TMEM132C: variants seen among roughly 807,000 people sequenced by gnomAD.
The protein encoded by TMEM132C is transmembrane protein 132C.
TMEM132C carries 29 observed loss-of-function variants against 61.4 expected under a neutral mutation model. The observed-to-expected ratio is 0.47, with a 90% CI of 0.35 to 0.64. The LOEUF is 0.64. TMEM132C is among the 30% of genes least tolerant of loss of function. The pLI is 0.00. For missense variants in TMEM132C, 1,408 were observed against 1,476.9 expected (o/e 0.95, Z 0.76); for synonymous variants, 656 against 633.1 (o/e 1.04, Z -0.54).
chr12:128,614,536 G>A (rs1876735657), intron 3 of TMEM132C, among the ~76,000 whole-genome samples: 1 of 152,208 alleles, frequency 6.6e-6, no homozygotes, highest in Admixed American at 6.5e-5. Context: ...TCTGTAAAGA[G>A]CATTGGACTC....
Position 128,267,347 on chromosome 12 carries a change from G to T in TMEM132C, c.-56G>T, listed in dbSNP as rs1870339805. ...GCATGGGGCGGCCGGCGGGGGCCGC[G>T]GGCGGGCGCTGCGCTTCGGGCTGGC... On this transcript the variant is annotated 5_prime_UTR_variant, in exon 1 of 9. Transcript: ENST00000435159. 31 of 979,058 alleles carry T rather than the reference G, an allele frequency of 3.2e-5. No individual in the cohort carries two copies. The highest frequency in any genetic ancestry group is 3.6e-5 in the Non-Finnish European group (30 of 823,896). The allele number at this position is 979,058 out of a possible 1,614,324, so 60.6% of individuals were successfully genotyped here.
At chr12:128,690,337 T>C (rs1429137399) in intron 5 of TMEM132C, among the ~76,000 whole-genome samples, 1 of 152,234 alleles carries the variant, frequency 6.6e-6, no homozygotes, top group Non-Finnish European at 1.5e-5. Flanking sequence ...TTTTTGTAGA[T>C]GAGTGGGCTC....
At chr12:128,268,889 G>T (rs1005039526) in intron 1 of TMEM132C, among the ~76,000 whole-genome samples, 5 of 94,926 alleles carry the variant, frequency 5.3e-5, no homozygotes, top group South Asian at 4.9e-4. Context: ...GTGAGAGAGG[G>T]GGGGGAAGAA....
rs912716203 is a variant in TMEM132C, at chr12:128,706,265, C to T, written c.3297C>T (p.Asn1099=). The part of the protein sequence containing the change: ...VAVGAPKELR[N]YLEKLKDKA ...TGGGTGCCCCCAAGGAACTTAGAAA[C>T]TATCTGGAGAAACTCAAAGATAAGG... Residue 1099 remains asparagine (N), a synonymous_variant, in exon 9 of 9, where the codon AAC becomes AAT. Coordinates refer to ENST00000435159, the MANE Select transcript of TMEM132C (RefSeq NM_001136103.3). The T allele has an allele frequency of 1.3e-6, 2 of 1,548,026 alleles. No individual in the cohort carries two copies. The highest frequency in any genetic ancestry group is 2.0e-5 in the Admixed American group (1 of 50,672).
chr12:128,602,668 T>C (rs1362989249), intron 3 of TMEM132C, among the ~76,000 whole-genome samples: 1 of 152,234 alleles, frequency 6.6e-6, no homozygotes, highest in African/African-American at 2.4e-5. Context: ...TGCAAGAAAC[T>C]GAGGCCAGGT....
At chr12:128,327,898 T>G (rs1464928345) in intron 1 of TMEM132C, among the ~76,000 whole-genome samples, 1 of 152,072 alleles carries the variant, frequency 6.6e-6, no homozygotes, top group African/African-American at 2.4e-5. Context: ...CACCAAGTTT[T>G]ATGCAGATGA....
chr12:128,692,224 A>G (rs1954725789), intron 5 of TMEM132C, among the ~76,000 whole-genome samples: 1 of 152,188 alleles, frequency 6.6e-6, no homozygotes, highest in Non-Finnish European at 1.5e-5. Flanking sequence ...CCATCTGTCC[A>G]TCTGTCTATG....
At chr12:128,473,517 C>T (rs1466359108) in intron 2 of TMEM132C, among the ~76,000 whole-genome samples, 496 of 149,222 alleles carry the variant, frequency 3.3e-3, no homozygotes, top group South Asian at 0.021. Flanking sequence ...CCTCCATCTT[C>T]ATCTTCACTC....
At chr12:128,298,296 C>T (rs985881777) in intron 1 of TMEM132C, among the ~76,000 whole-genome samples, 2 of 152,226 alleles carry the variant, frequency 1.3e-5, no homozygotes, top group African/African-American at 2.4e-5. Flanking sequence ...TCTCCTCCCC[C>T]GGGCCATGTG....
intron 2 of TMEM132C, among the ~76,000 whole-genome samples, chr12:128,530,021 C>G (rs1041971819): frequency 6.6e-6 from 1 of 150,840 alleles, no homozygotes; most frequent in Non-Finnish European, 1.5e-5. Context: ...GTCATGGGAG[C>G]CAGAAGGGAA....
At chr12:128,370,613 A>C (rs1360901084) in intron 1 of TMEM132C, among the ~76,000 whole-genome samples, 1 of 151,850 alleles carries the variant, frequency 6.6e-6, no homozygotes, top group Admixed American at 6.6e-5. Context: ...CAGCACCAAG[A>C]AAAGGGGGAA....
At chr12:128,337,506 A>G (rs1242540225) in intron 1 of TMEM132C, among the ~76,000 whole-genome samples, 1 of 152,184 alleles carries the variant, frequency 6.6e-6, no homozygotes, top group East Asian at 1.9e-4. Context: ...AATTCCACCA[A>G]TACGAAATGT....
intron 1 of TMEM132C, chr12:128,288,656 C>A (rs1872537): frequency 0.78 from 118,328 of 152,132 alleles, 47,462 homozygotes; most frequent in Non-Finnish European, 0.87. Context: ...ACTTTCTGAA[C>A]GGTGAGGGAC....
At position 128,467,120 on chromosome 12, in the gene TMEM132C, G is replaced by A. The variant is rs140704807; in HGVS notation, c.974+51500G>A. Among the ~76,000 whole-genome samples the A allele has an allele frequency of 4.6e-5, 7 of 152,304 alleles. No homozygotes were observed. In the East Asian group the frequency reaches 9.7e-4, roughly 21 times the overall value. On this transcript the variant is annotated intron_variant, in intron 2 of 8. Coordinates refer to ENST00000435159, the MANE Select transcript of TMEM132C (RefSeq NM_001136103.3). ...TCCCATGGAATTGGGAACTCATGGC[G>A]TTCATAGTGCAAGCATCAGACATGT...
chr12:128,421,228 G>T (rs1246390755), intron 2 of TMEM132C, among the ~76,000 whole-genome samples: 1 of 152,156 alleles, frequency 6.6e-6, no homozygotes, highest in Non-Finnish European at 1.5e-5. Context: ...TAATTGCAGA[G>T]ATATGGAATC....
chr12:128,576,118 G>A (rs1875082828), intron 3 of TMEM132C, among the ~76,000 whole-genome samples: 1 of 152,164 alleles, frequency 6.6e-6, no homozygotes, highest in Non-Finnish European at 1.5e-5. Flanking sequence ...AGCTGGGCTT[G>A]GTGGTGCATG....
intron 4 of TMEM132C, among the ~76,000 whole-genome samples, chr12:128,635,638 T>C (rs575557503): frequency 6.6e-6 from 1 of 152,304 alleles, no homozygotes; most frequent in East Asian, 1.9e-4. Context: ...CATGAGCCCC[T>C]GAAACAGATC....
At chr12:128,637,037 T>C (rs1483214332) in intron 4 of TMEM132C, among the ~76,000 whole-genome samples, 2 of 152,214 alleles carry the variant, frequency 1.3e-5, no homozygotes, top group African/African-American at 4.8e-5. Context: ...TTTCATATTT[T>C]GGTTGTTGTG....
intron 4 of TMEM132C, among the ~76,000 whole-genome samples, chr12:128,626,457 A>ATTTTTTATTTTTTTT (rs1555237606): frequency 8.3e-6 from 1 of 120,010 alleles, no homozygotes; most frequent in African/African-American, 3.7e-5. Context: ...TTTTATTTTT[A>ATTTTTTATTTTTTTT]TTTTTGAGAT....
Sources: gnomAD v4.1 joint callset for allele counts (sites outside exome capture counted in the v4.1 genomes callset) on GRCh38, gnomAD v4.1.1 for gene constraint, MANE v1.5 for transcripts, NCBI Gene and HGNC (gene_info 2026-07-23, HGNC 2026-07-21) for gene names.